Variants in PCDHGA6 observed in about 807,000 individuals in gnomAD.
The protein encoded by PCDHGA6 is protocadherin gamma subfamily A, 6.
In PCDHGA6, 41 loss-of-function variants were observed where a neutral mutation model predicts 60.6. That is an observed-to-expected ratio of 0.68 (90% confidence interval 0.53 to 0.88). The LOEUF is 0.88. Ranked by LOEUF, PCDHGA6 falls within the 40% of genes least tolerant of loss-of-function variation. PCDHGA6 has a pLI of 0.00. For synonymous variants in PCDHGA6, 594 were observed against 524.4 expected, an observed-to-expected ratio of 1.13 and a Z score of -1.81; for missense variants, 1,312 against 1,203.0, an observed-to-expected ratio of 1.09 and a Z score of -1.34.
Position 141,374,794 on chromosome 5 carries a change from C to G in PCDHGA6, c.711C>G (p.Asp237Glu), listed in dbSNP as rs369215509. 3.7e-6 allele frequency: 6 copies of G among 1,613,916 alleles called. No homozygotes were observed. Among genetic ancestry groups the G allele is most frequent in the Non-Finnish European group, 5.1e-6 (6 of 1,179,846 alleles). ...QILVTVLDVN[D>E]NTPMFTQPVY... is the part of the protein sequence containing the mutation. ...TGGTAACAGTTCTAGATGTGAATGA[C>G]AACACTCCAATGTTTACTCAGCCTG... Residue 237 changes from aspartate to glutamate, a missense_variant, in exon 1 of 4, where the codon GAC (aspartate) becomes GAG (glutamate). Asp to Glu is a conservative substitution (Grantham distance 45). Transcript: ENST00000517434.
chr5:141,496,888 T>TA (rs35063790), intron 2 of PCDHGA6, among the ~76,000 whole-genome samples: 34,968 of 133,936 alleles, frequency 0.26, 4,377 homozygotes, highest in Admixed American at 0.34. Flanking sequence ...AAGTAACACT[T>TA]AAAAAAAAAA....
rs748189764 is a variant in PCDHGA6 at position 141,404,578 on chromosome 5, T to G, written c.2424+28071T>G. 1.9e-6 allele frequency: 3 copies of G among 1,613,950 alleles called. No homozygotes were observed. The Admixed American group carries it at 5.0e-5, about 27-fold the overall frequency. On this transcript the variant is annotated intron_variant, in intron 1 of 3. Coordinates refer to ENST00000517434, the MANE Select transcript of PCDHGA6 (RefSeq NM_018919.3). ...CAAGTGACAGTGGAAGCCCACCACTTAGCAGCAATGTGTCATTGAGACTGT... is the reference window on the plus strand; with the variant it reads ...CAAGTGACAGTGGAAGCCCACCACTGAGCAGCAATGTGTCATTGAGACTGT...
At chr5:141,435,058 A>G (rs1161891073) in intron 1 of PCDHGA6, among the ~76,000 whole-genome samples, 3 of 152,234 alleles carry the variant, frequency 2.0e-5, no homozygotes, top group East Asian at 3.9e-4. Flanking sequence ...ACCATGCAGC[A>G]GTTTTGTGTA....
intron 1 of PCDHGA6, chr5:141,377,597 C>G (rs935154854): frequency 2.6e-4 from 37 of 142,848 alleles, no homozygotes; most frequent in African/African-American, 9.9e-4. Context: ...CTTTTTCTCT[C>G]TCTCTCTCAA....
intron 1 of PCDHGA6, among the ~76,000 whole-genome samples, chr5:141,474,747 A>AGACAAATAT (rs1447050692): frequency 6.6e-6 from 1 of 152,264 alleles, no homozygotes; most frequent in African/African-American, 2.4e-5. Context: ...GTGATGTCCA[A>AGACAAATAT]GACAAATATA....
intron 1 of PCDHGA6, chr5:141,419,487 G>T: frequency 6.2e-7 from 1 of 1,612,378 alleles, no homozygotes. Context: ...CCCGCGCTCA[G>T]CGCCAATGTG....
In PCDHGA6 at chr5:141,409,983, T is replaced by C. The variant is rs1481655663; in HGVS notation, c.2424+33476T>C. The C allele has an allele frequency of 1.2e-6, 2 of 1,613,160 alleles. No individual in the cohort carries two copies. Among genetic ancestry groups the C allele is most frequent in the African/African-American group, 2.7e-5 (2 of 74,914 alleles). On this transcript the variant is annotated intron_variant, in intron 1 of 3. Coordinates refer to ENST00000517434, the MANE Select transcript of PCDHGA6 (RefSeq NM_018919.3). ...TACCTAGTGACTAAGGTGGTAGCGG[T>C]GGACGCCGACTCGGGACACAACGCC... is the stretch of plus-strand genomic sequence containing the variant.
In PCDHGA6 at chr5:141,422,911, G is replaced by C. The variant is rs375046528; in HGVS notation, c.2424+46404G>C. ...GCTGGACCAGAACGACAATGCGCCC[G>C]AGATCCTGTACCCTGCCCTCCCCAC... On this transcript the variant is annotated intron_variant, in intron 1 of 3. Transcript: ENST00000517434. 41 of 1,614,236 alleles carry C rather than the reference G, an allele frequency of 2.5e-5. No individual in the cohort carries two copies. Among genetic ancestry groups the C allele is most frequent in the Non-Finnish European group, 3.2e-5 (38 of 1,180,046 alleles).
intron 1 of PCDHGA6, chr5:141,393,480 T>G (rs1026854698): frequency 5.0e-6 from 8 of 1,613,942 alleles, no homozygotes; most frequent in Non-Finnish European, 6.8e-6. Context: ...GCCGCCTCGC[T>G]CTAGCACAGT....
chr5:141,427,817 G>A, intron 1 of PCDHGA6: 2 of 1,528,134 alleles, frequency 1.3e-6, no homozygotes, highest in Non-Finnish European at 1.8e-6. Flanking sequence ...AGAGCGGGGT[G>A]GTGGTCGCGC....
Position 141,477,531 on chromosome 5 carries a change from C to G in PCDHGA6, c.2425-17276C>G. ...GTTTACATTGAAGAAAACAACCTCC[C>G]CGGGGCTCCAATACTAAACCTAAGT... On this transcript the variant is annotated intron_variant, in intron 1 of 3. Coordinates refer to ENST00000517434, the MANE Select transcript of PCDHGA6 (RefSeq NM_018919.3). This position sits in a 1 kb window ranked among gnomAD's most constrained non-coding sequence, Gnocchi z 4.9. The G allele has an allele frequency of 6.2e-7, 1 of 1,614,162 alleles. No homozygotes were observed. Among genetic ancestry groups the G allele is most frequent in the South Asian group, 1.1e-5 (1 of 91,086 alleles).
chr5:141,450,052 G>C (rs2098667259), intron 1 of PCDHGA6, among the ~76,000 whole-genome samples: 1 of 141,832 alleles, frequency 7.1e-6, no homozygotes, highest in African/African-American at 2.7e-5. Flanking sequence ...TTTCGCCCAG[G>C]CTGGAATGCA....
intron 1 of PCDHGA6, chr5:141,420,219 T>C: frequency 6.2e-7 from 1 of 1,607,100 alleles, no homozygotes. Flanking sequence ...GATAGCATGC[T>C]ACTGGCTAGC....
chr5:141,415,745 T>C, intron 1 of PCDHGA6: 1 of 517,922 alleles, frequency 1.9e-6, no homozygotes, highest in Non-Finnish European at 2.4e-6. Context: ...TTAAGGTTTT[T>C]TTTTTTTTTT....
chr5:141,432,864 G>A lies in PCDHGA6; in HGVS notation c.2424+56357G>A. On this transcript the variant is annotated intron_variant, in intron 1 of 3. Coordinates refer to ENST00000517434, the MANE Select transcript of PCDHGA6 (RefSeq NM_018919.3). The surrounding 1 kb of genome is among the most constrained non-coding windows in gnomAD (Gnocchi z 6.0). ...GTGGTAGCGGTGGCCGCGGTCTCCT[G>A]CGTCTTCCTGGCCTTCGTCATCTTG... 6.2e-7 allele frequency: 1 copy of A among 1,614,168 alleles called. No individual in the cohort carries two copies. Among genetic ancestry groups the A allele is most frequent in the South Asian group, 1.1e-5 (1 of 91,084 alleles).
chr5:141,492,575 C>T (rs1213639439), intron 1 of PCDHGA6, among the ~76,000 whole-genome samples: 1 of 152,218 alleles, frequency 6.6e-6, no homozygotes, highest in South Asian at 2.1e-4. Flanking sequence ...GAGCGAGGCG[C>T]GGGGCCAGGA....
chr5:141,498,827 G>C (rs2099786072), intron 2 of PCDHGA6, among the ~76,000 whole-genome samples: 1 of 152,102 alleles, frequency 6.6e-6, no homozygotes, highest in Non-Finnish European at 1.5e-5. Context: ...CAGCTACTCA[G>C]GAGGCTGAGG....
intron 1 of PCDHGA6, among the ~76,000 whole-genome samples, chr5:141,455,133 CTG>C (rs2098814252): frequency 6.6e-6 from 1 of 151,392 alleles, no homozygotes; most frequent in African/African-American, 2.4e-5. Flanking sequence ...TTAAATTACA[CTG>C]TGTTAAATAA....
rs773364230 is a variant in PCDHGA6, at chr5:141,374,413, C to A, written c.330C>A (p.Val110=). The change falls in exon 1 of 4, where the codon GTC becomes GTA. Residue 110 remains valine, a synonymous_variant. Coordinates refer to ENST00000517434, the MANE Select transcript of PCDHGA6 (RefSeq NM_018919.3). ...GTCTGGTGAGTTTTAACATCCTTGTCGAGGATAAACTGAATCTTTATCCCG... is the reference window on the plus strand; with the variant it reads ...GTCTGGTGAGTTTTAACATCCTTGTAGAGGATAAACTGAATCTTTATCCCG... ...PRCLVSFNIL[V]EDKLNLYPVE... is the part of the protein sequence containing the mutation. The A allele has an allele frequency of 3.1e-6, 5 of 1,613,972 alleles. No homozygotes were observed. Among genetic ancestry groups the A allele is most frequent in the Non-Finnish European group, 3.4e-6 (4 of 1,179,898 alleles).
Sources: gnomAD v4.1 joint callset for allele counts (sites outside exome capture counted in the v4.1 genomes callset) on GRCh38, gnomAD v4.1.1 for gene constraint, Gnocchi (gnomAD v3.1) non-coding constraint, MANE v1.5 for transcripts, NCBI Gene and HGNC (gene_info 2026-07-23, HGNC 2026-07-21) for gene names.